COMMD10: variants seen among roughly 807,000 people sequenced by gnomAD.
COMMD10 encodes the protein COMM domain-containing protein 10.
In COMMD10, 33 loss-of-function variants were observed where a neutral mutation model predicts 28.9. The observed-to-expected ratio is 1.14, with a 90% CI of 0.87 to 1.53. The LOEUF is 1.53. COMMD10 is among the 40% of genes most tolerant of loss of function. COMMD10 has a pLI of 0.00. For missense variants in COMMD10, 310 were observed against 233.4 expected (o/e 1.33, Z -2.14); for synonymous variants, 110 against 81.7 (o/e 1.35, Z -1.87).
intron 4 of COMMD10, among the ~76,000 whole-genome samples, chr5:116,118,659 G>C (rs1310942163): frequency 6.6e-6 from 1 of 151,778 alleles, no homozygotes; most frequent in Non-Finnish European, 1.5e-5. Flanking sequence ...AATTTTGCTA[G>C]AGTACTAGAT....
intron 5 of COMMD10, among the ~76,000 whole-genome samples, chr5:116,286,853 T>C (rs1751232104): frequency 6.6e-6 from 1 of 151,842 alleles, no homozygotes; most frequent in South Asian, 2.1e-4. Flanking sequence ...GAGTGTTCCG[T>C]ATATGTCTGT....
At chr5:116,097,432 A>T (rs1262694321) in intron 4 of COMMD10, among the ~76,000 whole-genome samples, 1 of 152,158 alleles carries the variant, frequency 6.6e-6, no homozygotes, top group Non-Finnish European at 1.5e-5. Context: ...GAGGTTTAAA[A>T]AGTTGCCCAT....
At chr5:116,248,001 A>G (rs1218514235) in intron 5 of COMMD10, among the ~76,000 whole-genome samples, 1 of 151,976 alleles carries the variant, frequency 6.6e-6, no homozygotes, top group East Asian at 1.9e-4. Context: ...TTTATGCAAT[A>G]CCTACAAATT....
intron 2 of COMMD10, among the ~76,000 whole-genome samples, chr5:116,090,209 G>A (rs1208910639): frequency 1.3e-5 from 2 of 152,152 alleles, no homozygotes; most frequent in Admixed American, 1.3e-4. Flanking sequence ...AGTCCTCTTT[G>A]GCCATCTTCT....
intron 5 of COMMD10, among the ~76,000 whole-genome samples, chr5:116,251,540 G>T (rs956490100): frequency 6.7e-6 from 1 of 149,830 alleles, no homozygotes; most frequent in Non-Finnish European, 1.5e-5. Flanking sequence ...AGAATATGCG[G>T]TGTTTGGTTT....
intron 4 of COMMD10, among the ~76,000 whole-genome samples, chr5:116,093,098 G>T (rs2112712585): frequency 6.6e-6 from 1 of 152,246 alleles, no homozygotes; most frequent in South Asian, 2.1e-4. Context: ...AAATTGTCTG[G>T]TATGGGCCCT....
At chr5:116,230,101 T>C (rs144351476) in intron 5 of COMMD10, among the ~76,000 whole-genome samples, 50 of 152,120 alleles carry the variant, frequency 3.3e-4, no homozygotes, top group Admixed American at 8.5e-4. Flanking sequence ...TTGCAGTATT[T>C]TCCAATGTCT....
intron 5 of COMMD10, among the ~76,000 whole-genome samples, chr5:116,151,361 A>T: frequency 6.6e-6 from 1 of 152,004 alleles, no homozygotes; most frequent in Non-Finnish European, 1.5e-5. Context: ...TATCAGGATG[A>T]TGCTGGCCTC....
intron 5 of COMMD10, among the ~76,000 whole-genome samples, chr5:116,160,613 G>A (rs1243077480): frequency 6.6e-6 from 1 of 151,694 alleles, no homozygotes. Flanking sequence ...AGGAAGAACT[G>A]CTATCTGTGA....
intron 5 of COMMD10, among the ~76,000 whole-genome samples, chr5:116,232,492 A>G (rs1308667902): frequency 1.3e-5 from 2 of 152,072 alleles, no homozygotes; most frequent in African/African-American, 2.4e-5. Context: ...TTCAGAAATA[A>G]CAAAGATCAA....
At chr5:116,122,095 C>A (rs750364921) in intron 4 of COMMD10, among the ~76,000 whole-genome samples, 3 of 152,106 alleles carry the variant, frequency 2.0e-5, no homozygotes, top group African/African-American at 2.4e-5. Flanking sequence ...AGGTTTTCTT[C>A]TAGGGTTTTT....
Position 116,194,057 on chromosome 5 carries a change from C to T in COMMD10, c.510+59879C>T, listed in dbSNP as rs528097756. Among the ~76,000 whole-genome samples the T allele has an allele frequency of 2.6e-5, 4 of 152,214 alleles. No homozygotes were observed. In the South Asian group the frequency reaches 8.3e-4, roughly 32 times the overall value. ...ATACATGGAAATTAAATAACTTGCTCCTGAATGAGCATTGGGTCAAAAACA... is the reference window on the plus strand; with the variant it reads ...ATACATGGAAATTAAATAACTTGCTTCTGAATGAGCATTGGGTCAAAAACA... On this transcript the variant is annotated intron_variant, in intron 5 of 6. Coordinates refer to ENST00000274458, the MANE Select transcript of COMMD10 (RefSeq NM_016144.4).
At chr5:116,239,351 TGA>T (rs1390647984) in intron 5 of COMMD10, among the ~76,000 whole-genome samples, 2 of 152,210 alleles carry the variant, frequency 1.3e-5, no homozygotes, top group African/African-American at 2.4e-5. Flanking sequence ...CACACATTTG[TGA>T]GAGTTATTAG....
At chr5:116,198,045 T>C (rs957959258) in intron 5 of COMMD10, among the ~76,000 whole-genome samples, 1 of 152,206 alleles carries the variant, frequency 6.6e-6, no homozygotes, top group Non-Finnish European at 1.5e-5. Flanking sequence ...TGATAATTTT[T>C]CTACATTTAT....
At chr5:116,257,295 G>T (rs1328667335) in intron 5 of COMMD10, among the ~76,000 whole-genome samples, 1 of 151,498 alleles carries the variant, frequency 6.6e-6, no homozygotes, top group African/African-American at 2.4e-5. Context: ...TCAGATTAGG[G>T]ATGCACAACC....
At chr5:116,134,822 C>G (rs1009425053) in intron 5 of COMMD10, among the ~76,000 whole-genome samples, 6 of 151,970 alleles carry the variant, frequency 3.9e-5, no homozygotes, top group African/African-American at 1.5e-4. Flanking sequence ...GGGGTTTCAC[C>G]GTGTTAGCCA....
intron 5 of COMMD10, among the ~76,000 whole-genome samples, chr5:116,192,273 C>CA (rs755078785): frequency 4.6e-5 from 5 of 109,492 alleles, no homozygotes; most frequent in African/African-American, 1.5e-4. Context: ...CCCCCCCCCC[C>CA]AAAAATAACA....
chr5:116,251,454 C>T (rs1382008206), intron 5 of COMMD10, among the ~76,000 whole-genome samples: 1 of 132,808 alleles, frequency 7.5e-6, no homozygotes, highest in African/African-American at 2.8e-5. Context: ...CCCCCCACCA[C>T]ACAACAGTCC....
intron 5 of COMMD10, among the ~76,000 whole-genome samples, chr5:116,208,437 A>G (rs1019797761): frequency 2.0e-5 from 3 of 152,124 alleles, no homozygotes; most frequent in Non-Finnish European, 4.4e-5. Context: ...ACTCCTTGGT[A>G]TGCACTGTGC....
Sources: gnomAD v4.1 joint callset for allele counts (sites outside exome capture counted in the v4.1 genomes callset) on GRCh38, gnomAD v4.1.1 for gene constraint, MANE v1.5 for transcripts, NCBI Gene and HGNC (gene_info 2026-07-23, HGNC 2026-07-21) for gene names.